USP8: variants seen among roughly 807,000 people sequenced by gnomAD.
USP8 encodes ubiquitin carboxyl-terminal hydrolase 8.
A neutral mutation model predicts 130.0 loss-of-function variants in USP8; 27 were observed. The ratio of observed to expected loss-of-function variants is 0.21; its 90% CI spans 0.15 to 0.29. The LOEUF (loss-of-function observed/expected upper bound fraction) is 0.29, where lower values mean the gene tolerates loss of function less well. USP8 is among the 10% of genes least tolerant of loss of function. USP8 has a pLI of 1.00. For synonymous variants in USP8, 392 were observed against 444.1 expected (o/e 0.88, Z 1.48); for missense variants, 1,029 against 1,312.2 (o/e 0.78, Z 3.33).
intron 1 of USP8, 129 bp downstream of exon 1, chr15:50,424,643 C>T (rs1024405957): frequency 3.8e-5 from 15 of 396,402 alleles, no homozygotes; most frequent in African/African-American, 1.6e-4. Flanking sequence ...AGGAGTGGGA[C>T]AACTCCTAAA....
chr15:50,473,782 C>G (rs903992634), intron 8 of USP8, among the ~76,000 whole-genome samples: 10 of 151,466 alleles, frequency 6.6e-5, no homozygotes, highest in African/African-American at 2.4e-4. Flanking sequence ...TACAGGCGTG[C>G]ACCACTGTGT....
At chr15:50,476,791 T>C (rs2051581070) in intron 8 of USP8, 58 bp from the exon 9 acceptor site, 2 of 1,476,218 alleles carry the variant, frequency 1.4e-6, no homozygotes, top group South Asian at 1.5e-5. Flanking sequence ...AGATTTGTTG[T>C]GTTTTTAGCT....
chr15:50,441,213 A>C, intron 2 of USP8, 136 bp from the exon 3 acceptor site: 10 of 708,246 alleles, frequency 1.4e-5, no homozygotes, highest in Middle Eastern at 4.2e-4. Context: ...GGTTCATAAC[A>C]GGCCGTGAAC....
At position 50,511,109 on chromosome 15, in the gene USP8, T is replaced by C. The variant is rs2052733993; in HGVS notation, c.*12021T>C. On this transcript the variant is annotated 3_prime_UTR_variant, in exon 20 of 20. Transcript: ENST00000307179. ...CACCAATGTTCTCTGTACAATTCTT[T>C]CAGATTTTCTGAATGTTTGCAAAGT... 6.6e-6 allele frequency: 1 copy of C among 152,216 alleles called. No homozygotes were observed. The highest frequency in any genetic ancestry group is 2.1e-4 in the South Asian group (1 of 4,834). 9.4% of individuals were successfully genotyped at this position (152,216 alleles called of 1,614,324 possible).
Position 50,425,919 on chromosome 15 carries a change from C to T in USP8, c.-66+1405C>T, listed in dbSNP as rs959152032. On this transcript the variant is annotated intron_variant, in intron 1 of 19. Transcript: ENST00000307179. ...GGGCGGATCACTGAGGTCAGGAGTT[C>T]GAGATCAGCCTGGCCAACATGGCGA... Among the ~76,000 whole-genome samples, 7 of 152,134 alleles carry T rather than the reference C, an allele frequency of 4.6e-5. No individual in the cohort carries two copies. The South Asian group carries it at 1.5e-3, about 32-fold the overall frequency.
In USP8 at chr15:50,514,280, G is replaced by C. The variant is rs767361251; in HGVS notation, c.*15192G>C. On this transcript the variant is annotated 3_prime_UTR_variant, in exon 20 of 20. Transcript: ENST00000307179. ...TCGAAGGCAGGTACAAGCACAGTTA[G>C]GGTGCTGGTAACATTCTGTTTAAAC... The C allele has an allele frequency of 1.4e-4, 22 of 152,180 alleles. No homozygotes were observed. Among genetic ancestry groups the C allele is most frequent in the Non-Finnish European group, 3.1e-4 (21 of 68,040 alleles). 9.4% of individuals were successfully genotyped at this position (152,180 alleles called of 1,614,324 possible).
chr15:50,488,300 C>A (rs1225448525), intron 12 of USP8, among the ~76,000 whole-genome samples: 1 of 152,080 alleles, frequency 6.6e-6, no homozygotes, highest in Non-Finnish European at 1.5e-5. Flanking sequence ...GATCTAAATC[C>A]ATCTTTTTGC....
intron 18 of USP8, 36 bp downstream of exon 18, chr15:50,497,267 T>C (rs752796570): frequency 5.1e-6 from 8 of 1,562,520 alleles, no homozygotes; most frequent in Middle Eastern, 1.7e-4. Flanking sequence ...TTCAGTGAAA[T>C]TAAATGAGGG....
intron 3 of USP8, among the ~76,000 whole-genome samples, chr15:50,447,022 T>G (rs938748837): frequency 6.6e-6 from 1 of 152,244 alleles, no homozygotes; most frequent in Admixed American, 6.5e-5. Context: ...TCTGTTCTTG[T>G]GTTACCACAT....
intron 15 of USP8, chr15:50,493,264 G>A (rs1236113957): frequency 1.9e-6 from 1 of 513,714 alleles, no homozygotes; most frequent in East Asian, 5.3e-5. Flanking sequence ...TGTCACATTG[G>A]CAACACCTGA....
chr15:50,446,729 G>C lies in USP8; in HGVS notation c.250-2671G>C, dbSNP rs72738967. On this transcript the variant is annotated intron_variant, in intron 3 of 19. Coordinates refer to ENST00000307179, the MANE Select transcript of USP8 (RefSeq NM_005154.5). ...TAGAAGAATCAGCCAAACAAAGCAT[G>C]ATCTACTTTTAGGCTAGATAGACAT... is the stretch of plus-strand genomic sequence containing the variant. Among the ~76,000 whole-genome samples, 239 of 152,296 alleles carry C rather than the reference G, an allele frequency of 1.6e-3. 2 individuals carry two copies. The highest frequency in any genetic ancestry group is 4.2e-3 in the South Asian group (20 of 4,818).
At chr15:50,493,053 C>A in intron 15 of USP8, 140 bp downstream of exon 15, 2 of 920,224 alleles carry the variant, frequency 2.2e-6, no homozygotes, top group Non-Finnish European at 3.4e-6. Context: ...AATTTATTTT[C>A]TCTTAGTTCT....
Position 50,441,498 on chromosome 15 carries a change from CT to C in USP8, c.249+9del. Reference sequence around the variant, plus strand: ...CCTGATTTCAAGCAACAGCAGGTACCTTTTATTTTTGCATTGTTATTTCCTA... The same window carrying C: ...CCTGATTTCAAGCAACAGCAGGTACCTTTATTTTTGCATTGTTATTTCCTA... On this transcript the variant is annotated splice_donor_region_variant and intron_variant, in intron 3 of 19. Coordinates refer to ENST00000307179, the MANE Select transcript of USP8 (RefSeq NM_005154.5). The C allele has an allele frequency of 1.9e-6, 3 of 1,547,170 alleles. No homozygotes were observed. The highest frequency in any genetic ancestry group is 1.2e-5 in the South Asian group (1 of 80,674).
chr15:50,425,477 A>C (rs1186674952), intron 1 of USP8, among the ~76,000 whole-genome samples: 4 of 152,236 alleles, frequency 2.6e-5, no homozygotes, highest in African/African-American at 9.6e-5. Context: ...GGTGAATGTC[A>C]TTCATGATGG....
chr15:50,461,166 A>G (rs937452789), intron 5 of USP8, among the ~76,000 whole-genome samples: 4 of 152,034 alleles, frequency 2.6e-5, no homozygotes, highest in Non-Finnish European at 4.4e-5. Context: ...CTAATTTTAT[A>G]TTTTTAGTAG....
chr15:50,467,952 T>G (rs2141287929), intron 7 of USP8, among the ~76,000 whole-genome samples: 1 of 152,048 alleles, frequency 6.6e-6, no homozygotes, highest in South Asian at 2.1e-4. Context: ...TATTTATTTT[T>G]GAGACAGAGT....
At chr15:50,430,084 T>C (rs981035013) in intron 1 of USP8, among the ~76,000 whole-genome samples, 3 of 152,238 alleles carry the variant, frequency 2.0e-5, no homozygotes, top group African/African-American at 4.8e-5. Flanking sequence ...TACTTAACTT[T>C]CATTTTAAGA....
At chr15:50,495,717 G>A in intron 16 of USP8, 131 bp from the exon 17 acceptor site, 1 of 681,090 alleles carries the variant, frequency 1.5e-6, no homozygotes, top group Non-Finnish European at 2.4e-6. Flanking sequence ...CACACTCAGT[G>A]AGATCAGAAC....
intron 10 of USP8, among the ~76,000 whole-genome samples, chr15:50,480,669 G>A (rs2051734661): frequency 6.6e-6 from 1 of 152,070 alleles, no homozygotes. Context: ...GGTATACACA[G>A]CCATATGACT....
Sources: allele counts gnomAD v4.1 joint callset (sites outside exome capture counted in the v4.1 genomes callset), GRCh38; gene constraint gnomAD v4.1.1; transcripts MANE v1.5; gene names NCBI Gene and HGNC (gene_info 2026-07-23, HGNC 2026-07-21).